ANKHD1: variants seen among roughly 807,000 people sequenced by gnomAD.
The protein encoded by ANKHD1 is ankyrin repeat and KH domain containing 1, also known as ankyrin repeat and KH domain-containing protein 1.
Under a neutral mutation model 230.5 loss-of-function variants are expected in ANKHD1, and 31 were observed. That is an observed-to-expected ratio of 0.13 (90% CI 0.10 to 0.18). The LOEUF (loss-of-function observed/expected upper bound fraction) is 0.18. Among genes scored for constraint, ANKHD1 ranks in the 10% least tolerant of loss-of-function variants. The probability of loss-of-function intolerance (pLI) is 1.00; values close to 1 mark genes in which losing one functional copy is unlikely to be tolerated. For missense variants in ANKHD1, 2,256 were observed against 3,071.3 expected, an observed-to-expected ratio of 0.73 and a Z score of 6.27; for synonymous variants, 1,074 against 1,117.6, an observed-to-expected ratio of 0.96 and a Z score of 0.78.
chr5:140,475,563 C>CA (rs527696689), intron 10 of ANKHD1, among the ~76,000 whole-genome samples: 35 of 149,546 alleles, frequency 2.3e-4, no homozygotes, highest in African/African-American at 5.6e-4. Flanking sequence ...AAAACAAACC[C>CA]AAAAAAACTA....
chr5:140,427,603 G>A (rs1396303893), intron 1 of ANKHD1, among the ~76,000 whole-genome samples: 3 of 87,748 alleles, frequency 3.4e-5, no homozygotes, highest in Non-Finnish European at 6.9e-5. Flanking sequence ...GGGGGCTGAC[G>A]CCCCCACCTC....
Position 140,527,909 on chromosome 5 carries a change from G to A in ANKHD1, c.5124G>A (p.Ser1708=), listed in dbSNP as rs7718313. The A allele has an allele frequency of 5.0e-6, 8 of 1,613,810 alleles. No homozygotes were observed. The highest frequency in any genetic ancestry group is 3.3e-5 in the Admixed American group (2 of 59,994). ...TGTCTGTTCCAGCCTCAGTGGTGTC[G>A]AGGATAATGGGAAGAGGAGGATGCA... ...KKLSVPASVV[S]RIMGRGGCNI... is the part of the protein sequence containing the mutation. Residue 1708 remains serine (S), a synonymous_variant, in exon 28 of 34, where the codon TCG becomes TCA. Transcript: ENST00000360839. The surrounding 1 kb of genome is among the most constrained non-coding windows in gnomAD (Gnocchi z 4.5).
At chr5:140,477,402 A>T (rs936406650) in intron 10 of ANKHD1, among the ~76,000 whole-genome samples, 10 of 152,318 alleles carry the variant, frequency 6.6e-5, no homozygotes, top group African/African-American at 1.7e-4. Context: ...TCATAAAGCT[A>T]GCATTCTGTT....
chr5:140,430,165 G>A (rs1428686970), intron 1 of ANKHD1, among the ~76,000 whole-genome samples: 1 of 152,160 alleles, frequency 6.6e-6, no homozygotes, highest in Non-Finnish European at 1.5e-5. Context: ...TTTTGAGGAG[G>A]AAGACAAAGG....
chr5:140,512,465 C>T (rs1752813501), intron 22 of ANKHD1, among the ~76,000 whole-genome samples: 1 of 152,102 alleles, frequency 6.6e-6, no homozygotes, highest in Non-Finnish European at 1.5e-5. Context: ...CATTTTACAT[C>T]ACCAATGTTT....
chr5:140,533,027 G>A lies in ANKHD1; in HGVS notation c.6851-2335G>A, dbSNP rs146742797. Reference sequence around the variant, plus strand: ...GCAGGTGAATCGCTTGAACCTGGGAGGCAGAGGTTTCAGTGAGCTGAGATT... The same window carrying A: ...GCAGGTGAATCGCTTGAACCTGGGAAGCAGAGGTTTCAGTGAGCTGAGATT... On this transcript the variant is annotated intron_variant, in intron 29 of 33. Transcript: ENST00000360839. The A allele has an allele frequency of 2.0e-3, 400 of 196,408 alleles. 1 individual carries two copies. The highest frequency in any genetic ancestry group is 9.0e-3 in the Middle Eastern group (4 of 442). 12.2% of individuals were successfully genotyped at this position (196,408 alleles called of 1,614,324 possible). A position where few individuals can be genotyped will look rare whatever the true frequency, so the allele number is the denominator to read the frequency against.
intron 24 of ANKHD1, among the ~76,000 whole-genome samples, chr5:140,516,927 T>A (rs1245871156): frequency 1.3e-5 from 2 of 151,632 alleles, no homozygotes; most frequent in Non-Finnish European, 2.9e-5. Flanking sequence ...AGGATCAAAT[T>A]CACACATAAC....
At chr5:140,418,971 T>G (rs1771637644) in intron 1 of ANKHD1, among the ~76,000 whole-genome samples, 1 of 152,208 alleles carries the variant, frequency 6.6e-6, no homozygotes, top group South Asian at 2.1e-4. Flanking sequence ...CCTCTAGTGA[T>G]CCACTTGCCT....
intron 25 of ANKHD1, among the ~76,000 whole-genome samples, 173 bp from the exon 26 acceptor site, chr5:140,525,823 A>T (rs1176741997): frequency 6.6e-6 from 1 of 151,696 alleles, no homozygotes; most frequent in Non-Finnish European, 1.5e-5. Flanking sequence ...GCGACAGAGC[A>T]AGACTCCATC....
Position 140,459,309 on chromosome 5 carries a change from A to C in ANKHD1, c.1626A>C (p.Ala542=). 1.3e-6 allele frequency: 2 copies of C among 1,586,598 alleles called. No homozygotes were observed. Among genetic ancestry groups the C allele is most frequent in the Non-Finnish European group, 1.7e-6 (2 of 1,161,592 alleles). Residue 542 remains alanine, a synonymous_variant, in exon 9 of 34, where the codon GCA becomes GCC. Transcript: ENST00000360839. ...GCTGCTCCACACCTCTGATGGAGGC[A>C]TCTCAGGAGGGACACCTGGAATTGG... is the stretch of plus-strand genomic sequence containing the variant. ...ELGCSTPLME[A]SQEGHLELVK... is the part of the protein sequence containing the mutation.
At chr5:140,415,438 T>C (rs1771286276) in intron 1 of ANKHD1, among the ~76,000 whole-genome samples, 2 of 147,682 alleles carry the variant, frequency 1.4e-5, no homozygotes, top group Non-Finnish European at 3.0e-5. Context: ...CTTTGATACC[T>C]CTTTTTTTTT....
At chr5:140,472,115 T>C (rs781017021) in intron 10 of ANKHD1, 32 of 759,468 alleles carry the variant, frequency 4.2e-5, no homozygotes, top group Non-Finnish European at 6.6e-5. Flanking sequence ...TGAGAATCTT[T>C]TTAGTTGAAG....
chr5:140,538,334 G>A (rs1223303379), intron 32 of ANKHD1, 73 bp downstream of exon 32: 1 of 1,554,564 alleles, frequency 6.4e-7, no homozygotes. Context: ...GGAATACCTT[G>A]TATTGAAATA....
chr5:140,503,170 G>A (rs1020504396), intron 15 of ANKHD1, among the ~76,000 whole-genome samples: 16 of 152,006 alleles, frequency 1.1e-4, no homozygotes, highest in Non-Finnish European at 2.9e-5. Flanking sequence ...TAAGTCCTAC[G>A]TGTTTTTGAC....
At chr5:140,419,828 TTC>T (rs549642264) in intron 1 of ANKHD1, among the ~76,000 whole-genome samples, 5 of 126,608 alleles carry the variant, frequency 3.9e-5, no homozygotes, top group Non-Finnish European at 6.9e-5. Flanking sequence ...CTTTCTTTCT[TTC>T]TTTCTTTTTC....
At position 140,474,302 on chromosome 5, in the gene ANKHD1, G is replaced by A. The variant is rs115938328; in HGVS notation, c.1783-8278G>A. Among the ~76,000 whole-genome samples the A allele has an allele frequency of 8.7e-3, 1,323 of 152,168 alleles. 19 individuals are homozygous for A. The highest frequency in any genetic ancestry group is 0.031 in the African/African-American group (1,267 of 41,522). On this transcript the variant is annotated intron_variant, in intron 10 of 33. Transcript: ENST00000360839. ...AACATACTCCCCATGGAAGAGTATT[G>A]GAATCCTCTAGTACGTACAGTATCA...
intron 24 of ANKHD1, among the ~76,000 whole-genome samples, chr5:140,520,462 A>G (rs1436525868): frequency 6.6e-6 from 1 of 152,144 alleles, no homozygotes; most frequent in Non-Finnish European, 1.5e-5. Flanking sequence ...TCATGCTACT[A>G]TAAAGACACA....
chr5:140,513,070 G>A, intron 23 of ANKHD1, 147 bp downstream of exon 23: 1 of 770,184 alleles, frequency 1.3e-6, no homozygotes, highest in South Asian at 2.1e-5. Context: ...GCAAAATAGA[G>A]GGGTATAATA....
intron 10 of ANKHD1, among the ~76,000 whole-genome samples, chr5:140,475,178 TAA>T (rs1449998290): frequency 5.3e-5 from 8 of 152,172 alleles, no homozygotes; most frequent in Non-Finnish European, 1.2e-4. Context: ...GTCAAGAAGG[TAA>T]AGTCATTATT....
Sources: gnomAD v4.1 joint callset for allele counts (sites outside exome capture counted in the v4.1 genomes callset) on GRCh38, gnomAD v4.1.1 for gene constraint, Gnocchi (gnomAD v3.1) non-coding constraint, MANE v1.5 for transcripts, NCBI Gene and HGNC (gene_info 2026-07-23, HGNC 2026-07-21) for gene names.